The following CLNK variants were observed in gnomAD, a reference collection of about 807,000 sequenced individuals.
The protein encoded by CLNK is cytokine dependent hematopoietic cell linker.
Under a neutral mutation model 68.6 loss-of-function variants are expected in CLNK, and 74 were observed. That is an observed-to-expected ratio of 1.08 (90% CI 0.89 to 1.31). CLNK has a LOEUF of 1.31. Ranked by LOEUF, CLNK falls within the 50% of genes most tolerant of loss-of-function variation. CLNK has a pLI of 0.00. For missense variants in CLNK, 553 were observed against 515.3 expected (o/e 1.07, Z -0.71); for synonymous variants, 198 against 172.2 (o/e 1.15, Z -1.17).
chr4:10,679,275 A>C (rs879017895), intron 1 of CLNK, among the ~76,000 whole-genome samples: 74 of 152,252 alleles, frequency 4.9e-4, no homozygotes, highest in African/African-American at 1.4e-3. Context: ...AAAGGATTCC[A>C]TATTTAATAA....
chr4:10,633,238 G>C (rs1285265872), intron 2 of CLNK, among the ~76,000 whole-genome samples: 1 of 152,130 alleles, frequency 6.6e-6, no homozygotes, highest in Non-Finnish European at 1.5e-5. Flanking sequence ...CACCTGGCCT[G>C]GAAAATTTTA....
the CLNK span, among the ~76,000 whole-genome samples, chr4:10,722,414 C>T: frequency 6.6e-6 from 1 of 152,302 alleles, no homozygotes; most frequent in South Asian, 2.1e-4. Context: ...TATGTGCTTT[C>T]CATTTTCTCT....
At chr4:10,712,773 C>T in the CLNK span, among the ~76,000 whole-genome samples, 2 of 152,174 alleles carry the variant, frequency 1.3e-5, no homozygotes, top group Non-Finnish European at 2.9e-5. Flanking sequence ...GATAACATCA[C>T]TATGGTGAAA....
At chr4:10,635,169 T>C (rs1723033044) in intron 2 of CLNK, among the ~76,000 whole-genome samples, 1 of 152,232 alleles carries the variant, frequency 6.6e-6, no homozygotes, top group African/African-American at 2.4e-5. Flanking sequence ...ATTTGGATAC[T>C]ACAACAGGTT....
At chr4:10,552,050 G>T (rs1331306009) in intron 8 of CLNK, among the ~76,000 whole-genome samples, 1 of 151,896 alleles carries the variant, frequency 6.6e-6, no homozygotes, top group African/African-American at 2.4e-5. Context: ...TAGAGATGGA[G>T]TTTCACCGTG....
intron 2 of CLNK, among the ~76,000 whole-genome samples, chr4:10,637,346 G>A (rs1275731211): frequency 6.6e-6 from 1 of 151,794 alleles, no homozygotes; most frequent in Non-Finnish European, 1.5e-5. Flanking sequence ...ATCACTGCTT[G>A]GAAGATATCT....
At chr4:10,699,793 C>T in the CLNK span, among the ~76,000 whole-genome samples, 66 of 151,926 alleles carry the variant, frequency 4.3e-4, no homozygotes, top group Middle Eastern at 3.4e-3. Flanking sequence ...GAATTATAGG[C>T]ATGAGCCACG....
At chr4:10,516,338 C>G (rs1374809867) in intron 15 of CLNK, among the ~76,000 whole-genome samples, 1 of 152,094 alleles carries the variant, frequency 6.6e-6, no homozygotes, top group Non-Finnish European at 1.5e-5. Context: ...TGGTTAGTAA[C>G]TTAACAAGAA....
At chr4:10,718,594 A>G in the CLNK span, among the ~76,000 whole-genome samples, 1 of 120,540 alleles carries the variant, frequency 8.3e-6, no homozygotes. Context: ...TCAGATAAAG[A>G]AAAACAAAAA....
chr4:10,608,930 C>CA (rs1342340923), intron 2 of CLNK, among the ~76,000 whole-genome samples: 4 of 152,048 alleles, frequency 2.6e-5, no homozygotes, highest in African/African-American at 7.2e-5. Context: ...CTCACGTGGC[C>CA]AAAAAAATCA....
chr4:10,683,256 C>G (rs1162016129), intron 1 of CLNK, among the ~76,000 whole-genome samples: 1 of 152,142 alleles, frequency 6.6e-6, no homozygotes, highest in Non-Finnish European at 1.5e-5. Flanking sequence ...TGACTCATGG[C>G]AAAGTGATCG....
chr4:10,715,092 A>G, the CLNK span, among the ~76,000 whole-genome samples: 4 of 152,224 alleles, frequency 2.6e-5, no homozygotes, highest in Non-Finnish European at 5.9e-5. Context: ...TTTCAATTAA[A>G]AATCAAATTC....
intron 2 of CLNK, among the ~76,000 whole-genome samples, chr4:10,666,324 C>T (rs1376476363): frequency 6.6e-6 from 1 of 152,202 alleles, no homozygotes; most frequent in Admixed American, 6.5e-5. Flanking sequence ...GCCATCAGCA[C>T]AAACCTCCAA....
At chr4:10,589,339 G>C (rs902111686) in intron 3 of CLNK, among the ~76,000 whole-genome samples, 8 of 152,158 alleles carry the variant, frequency 5.3e-5, no homozygotes, top group African/African-American at 1.9e-4. Context: ...CAGCAACGTA[G>C]ACCGCAGAGT....
intron 6 of CLNK, among the ~76,000 whole-genome samples, 159 bp from the exon 7 acceptor site, chr4:10,564,936 C>T (rs1720046071): frequency 6.6e-6 from 1 of 152,176 alleles, no homozygotes; most frequent in South Asian, 2.1e-4. Flanking sequence ...CTGACGTATG[C>T]AGAGAAGAAA....
chr4:10,555,900 C>A lies in CLNK; in HGVS notation c.445+2507G>T, dbSNP rs1004900439. ...TTCCAGCCTTGTTCTAGATATGGTA[C>A]CTTAGAGCTCTGGATGGTAATGGGG... On this transcript the variant is annotated intron_variant, in intron 8 of 18. Coordinates refer to ENST00000226951, the MANE Select transcript of CLNK (RefSeq NM_052964.4). 3.3e-5 allele frequency among the ~76,000 whole-genome samples: 5 copies of A among 152,222 alleles called. 1 individual carries two copies. The highest frequency in any genetic ancestry group is 7.4e-5 in the Non-Finnish European group (5 of 68,016).
intron 3 of CLNK, among the ~76,000 whole-genome samples, chr4:10,592,213 C>T (rs190003014): frequency 5.9e-5 from 9 of 152,258 alleles, no homozygotes; most frequent in South Asian, 2.1e-4. Flanking sequence ...CTCAATTAGA[C>T]TTTAAGTTCT....
the CLNK span, among the ~76,000 whole-genome samples, chr4:10,720,710 C>T: frequency 1.0e-5 from 1 of 97,330 alleles, no homozygotes; most frequent in East Asian, 3.9e-4. Context: ...CAAATGCTGA[C>T]AAGGATATGT....
chr4:10,713,733 G>A, the CLNK span, among the ~76,000 whole-genome samples: 1 of 152,028 alleles, frequency 6.6e-6, no homozygotes, highest in Non-Finnish European at 1.5e-5. Context: ...ATGTGAAAGC[G>A]TGTTGTTAAA....
Sources: allele counts gnomAD v4.1 joint callset (sites outside exome capture counted in the v4.1 genomes callset), GRCh38; gene constraint gnomAD v4.1.1; transcripts MANE v1.5; gene names NCBI Gene and HGNC (gene_info 2026-07-23, HGNC 2026-07-21).